PVT1: variants seen among roughly 807,000 people sequenced by gnomAD.
The protein encoded by PVT1 is CXCR4/PVT1 fusion.
At chr8:128,084,475 A>G (rs1814231986) in intron 5 of PVT1, among the ~76,000 whole-genome samples, 1 of 151,362 alleles carries the variant, frequency 6.6e-6, no homozygotes, top group African/African-American at 2.4e-5. Context: ...CTCATTTCCC[A>G]TCATTATCTG....
intron 2 of PVT1, among the ~76,000 whole-genome samples, chr8:127,857,843 A>T (rs567479213): frequency 6.6e-6 from 1 of 152,222 alleles, no homozygotes; most frequent in Non-Finnish European, 1.5e-5. Context: ...GAATGAATGG[A>T]TATTAAATCA....
chr8:127,877,750 C>A (rs1038518021), intron 2 of PVT1, among the ~76,000 whole-genome samples: 2 of 151,898 alleles, frequency 1.3e-5, no homozygotes, highest in Non-Finnish European at 2.9e-5. Context: ...ATGATGAAAA[C>A]CTCTCTCTAC....
In PVT1 at chr8:128,013,887, T is replaced by C. The variant is rs545097528; in HGVS notation, n.912+24596T>C. Among the ~76,000 whole-genome samples the C allele has an allele frequency of 3.9e-5, 6 of 152,320 alleles. No homozygotes were observed. In the South Asian group the frequency reaches 1.2e-3, roughly 32 times the overall value. ...ATGAACAAAAAGTTATTTTTTTGAC[T>C]CAATTTAGCTTAAACATCACATCCT... is the stretch of plus-strand genomic sequence containing the variant. On this transcript the variant is annotated intron_variant and non_coding_transcript_variant, in intron 4 of 10. Coordinates refer to ENST00000651587, the Ensembl canonical transcript of PVT1.
chr8:127,918,946 T>C lies in PVT1; in HGVS notation n.782+27948T>C, dbSNP rs113275864. On this transcript the variant is annotated intron_variant and non_coding_transcript_variant, in intron 3 of 10. Coordinates refer to ENST00000651587, the Ensembl canonical transcript of PVT1. The stretch of plus-strand genomic sequence containing the variant: ...TGAAAGATGGTGTGCAGAATTCTAA[T>C]GTTCTTCCTCTCGCGGGGTCGTGGG... Among the ~76,000 whole-genome samples the C allele has an allele frequency of 5.9e-5, 9 of 152,334 alleles. 1 individual carries two copies. Among genetic ancestry groups the C allele is most frequent in the African/African-American group, 1.9e-4 (8 of 41,574 alleles).
At chr8:127,856,152 C>T (rs1310579224) in intron 2 of PVT1, among the ~76,000 whole-genome samples, 3 of 152,136 alleles carry the variant, frequency 2.0e-5, no homozygotes, top group Non-Finnish European at 4.4e-5. Context: ...TACCTGCCCT[C>T]TACCCAATGT....
intron 4 of PVT1, chr8:127,999,395 T>G (rs1056723726): frequency 2.0e-5 from 3 of 152,244 alleles, no homozygotes; most frequent in Non-Finnish European, 4.4e-5. Flanking sequence ...GGTATCCATC[T>G]TATCTATGTT....
intron 3 of PVT1, among the ~76,000 whole-genome samples, chr8:127,933,374 C>A (rs748778388): frequency 6.6e-6 from 1 of 152,224 alleles, no homozygotes; most frequent in Non-Finnish European, 1.5e-5. Context: ...TGTGCCTGGC[C>A]AGTATCATGG....
At chr8:127,938,070 C>T (rs975165287) in intron 3 of PVT1, among the ~76,000 whole-genome samples, 1 of 152,082 alleles carries the variant, frequency 6.6e-6, no homozygotes, top group Admixed American at 6.5e-5. Flanking sequence ...GGCCTTGTAA[C>T]CTCTTCAGGC....
At chr8:127,970,535 G>A (rs192842369) in intron 3 of PVT1, among the ~76,000 whole-genome samples, 89 of 152,018 alleles carry the variant, frequency 5.9e-4, no homozygotes, top group African/African-American at 1.9e-3. Context: ...TTCTGGCCTC[G>A]TGATCCGCCC....
At chr8:127,876,822 A>G (rs1476933057) in intron 2 of PVT1, among the ~76,000 whole-genome samples, 1 of 152,208 alleles carries the variant, frequency 6.6e-6, no homozygotes, top group Non-Finnish European at 1.5e-5. Flanking sequence ...TCGTGCTGTC[A>G]TCGCTTTCAT....
chr8:127,826,804 A>C (rs922183699), intron 2 of PVT1, among the ~76,000 whole-genome samples: 2 of 152,092 alleles, frequency 1.3e-5, no homozygotes, highest in Non-Finnish European at 2.9e-5. Flanking sequence ...TTAGTTCTTC[A>C]ATTAATAAGC....
chr8:127,943,002 T>C (rs1816370680), intron 3 of PVT1, among the ~76,000 whole-genome samples: 1 of 152,234 alleles, frequency 6.6e-6, no homozygotes, highest in African/African-American at 2.4e-5. Context: ...GAGTGACCCA[T>C]CTTCCCAGGT....
chr8:127,804,305 C>T (rs949098541), intron 2 of PVT1, among the ~76,000 whole-genome samples: 2 of 152,054 alleles, frequency 1.3e-5, no homozygotes, highest in African/African-American at 4.8e-5. Flanking sequence ...ACAAACAATA[C>T]AATCACTGTT....
At chr8:127,979,518 G>C (rs1343675071) in intron 3 of PVT1, among the ~76,000 whole-genome samples, 2 of 152,250 alleles carry the variant, frequency 1.3e-5, no homozygotes, top group Non-Finnish European at 2.9e-5. Flanking sequence ...AGATTAGCAA[G>C]TAGGATGTTT....
intron 2 of PVT1, among the ~76,000 whole-genome samples, chr8:127,872,469 G>T (rs1382253320): frequency 6.6e-6 from 1 of 152,090 alleles, no homozygotes; most frequent in Non-Finnish European, 1.5e-5. Flanking sequence ...ACAAAGAAAG[G>T]GTAAATGTTT....
chr8:128,033,134 A>G (rs556713003), intron 4 of PVT1, among the ~76,000 whole-genome samples: 6 of 152,308 alleles, frequency 3.9e-5, no homozygotes, highest in East Asian at 1.9e-4. Context: ...AACTATTTGC[A>G]TTGTTAGAAA....
At chr8:128,003,438 C>T (rs565402409) in intron 4 of PVT1, among the ~76,000 whole-genome samples, 131 of 152,082 alleles carry the variant, frequency 8.6e-4, no homozygotes, top group African/African-American at 3.0e-3. Context: ...CTAGACATCC[C>T]AGGCTGAAAT....
At chr8:127,939,862 GT>G (rs1035302090) in intron 3 of PVT1, 1 of 152,218 alleles carries the variant, frequency 6.6e-6, no homozygotes, top group African/African-American at 2.4e-5. Context: ...TGGGCCCACT[GT>G]TTTCTAACTT....
rs201436057 is a variant in PVT1 at position 127,888,173 on chromosome 8, C to G, written n.373-2416C>G. 1.2e-4 allele frequency among the ~76,000 whole-genome samples: 18 copies of G among 152,116 alleles called. No homozygotes were observed. The East Asian group carries it at 3.5e-3, about 29-fold the overall frequency. On this transcript the variant is annotated intron_variant and non_coding_transcript_variant, in intron 2 of 10. Transcript: ENST00000651587. The stretch of plus-strand genomic sequence containing the variant: ...GCCAGGATGATCTCGATCTCCTGAC[C>G]TCGTGATCCACCCGCCTCGGCCTCC...
Sources: gnomAD v4.1 joint callset for allele counts (sites outside exome capture counted in the v4.1 genomes callset) on GRCh38, gnomAD v4.1.1 for gene constraint, MANE v1.5 for transcripts, NCBI Gene and HGNC (gene_info 2026-07-23, HGNC 2026-07-21) for gene names.